WDFY3: variants seen among roughly 807,000 people sequenced by gnomAD.
The protein encoded by WDFY3 is WD repeat and FYVE domain-containing protein 3.
WDFY3 carries 66 observed loss-of-function variants against 409.6 expected under a neutral mutation model. The ratio of observed to expected loss-of-function variants is 0.16; its 90% CI spans 0.13 to 0.20. The LOEUF (loss-of-function observed/expected upper bound fraction) is 0.20. Ranked by LOEUF, WDFY3 falls within the 10% of genes least tolerant of loss-of-function variation. The pLI is 1.00. For missense variants in WDFY3, 3,031 were observed against 4,298.1 expected, an observed-to-expected ratio of 0.71 and a Z score of 8.24; for synonymous variants, 1,521 against 1,537.1, an observed-to-expected ratio of 0.99 and a Z score of 0.25.
chr4:84,736,289 C>T lies in WDFY3; in HGVS notation c.6796G>A (p.Ala2266Thr). 2.5e-6 allele frequency: 4 copies of T among 1,608,194 alleles called. No individual in the cohort carries two copies. Among genetic ancestry groups the T allele is most frequent in the Non-Finnish European group, 2.5e-6 (3 of 1,177,310 alleles). ...KKCISRGEAL[A>T]PTTQSKLSRV... Reference sequence around the variant, plus strand: ...GATAATTTGGACTGTGTGGTGGGCGCTAAAGCTTCTCCTCGACTTATGCAT... The same window carrying T: ...GATAATTTGGACTGTGTGGTGGGCGTTAAAGCTTCTCCTCGACTTATGCAT... Residue 2266 changes from alanine (A) to threonine (T), a missense_variant, in exon 42 of 68, where the codon GCG becomes ACG. Coordinates refer to ENST00000295888, the MANE Select transcript of WDFY3 (RefSeq NM_014991.6).
intron 2 of WDFY3, among the ~76,000 whole-genome samples, chr4:84,904,391 G>A (rs1345923357): frequency 7.1e-6 from 1 of 141,132 alleles, no homozygotes. Flanking sequence ...CTAAAAAAAA[G>A]AAGAAGAAGA....
intron 35 of WDFY3, 142 bp downstream of exon 35, chr4:84,753,555 A>C: frequency 1.1e-6 from 1 of 910,194 alleles, no homozygotes; most frequent in South Asian, 3.1e-5. Context: ...ATAATGCAAG[A>C]GGTGATGTAT....
chr4:84,900,713 A>G (rs982149929), intron 2 of WDFY3, among the ~76,000 whole-genome samples: 4 of 152,230 alleles, frequency 2.6e-5, no homozygotes, highest in African/African-American at 9.6e-5. Context: ...GAACAGAACA[A>G]GGAAGTTTTT....
chr4:84,686,606 A>G (rs1728365282), intron 62 of WDFY3, among the ~76,000 whole-genome samples: 1 of 152,082 alleles, frequency 6.6e-6, no homozygotes, highest in South Asian at 2.1e-4. Context: ...ATGTCACTCA[A>G]TGACATGGCT....
chr4:84,948,504 C>T (rs1773187786), intron 1 of WDFY3, among the ~76,000 whole-genome samples: 2 of 152,174 alleles, frequency 1.3e-5, no homozygotes, highest in South Asian at 2.1e-4. Flanking sequence ...TGCCTGGCTT[C>T]GCCTGTCACT....
chr4:84,759,772 T>A (rs1173582835), intron 32 of WDFY3, among the ~76,000 whole-genome samples: 2 of 151,834 alleles, frequency 1.3e-5, no homozygotes, highest in Admixed American at 6.6e-5. Flanking sequence ...TGACTTCCTC[T>A]TTTCCTAATT....
At chr4:84,907,608 A>G (rs950363558) in intron 2 of WDFY3, among the ~76,000 whole-genome samples, 4 of 152,170 alleles carry the variant, frequency 2.6e-5, no homozygotes, top group Non-Finnish European at 4.4e-5. Flanking sequence ...ACCTAGTTAA[A>G]CCACTCCTAA....
intron 16 of WDFY3, 28 bp downstream of exon 16, chr4:84,803,262 G>A (rs747649853): frequency 1.0e-4 from 161 of 1,564,430 alleles, no homozygotes; most frequent in Non-Finnish European, 1.3e-4. Context: ...CATTACAGAC[G>A]GGAAGGAACT....
chr4:84,812,135 T>A (rs1441294051), intron 13 of WDFY3, among the ~76,000 whole-genome samples: 3 of 152,180 alleles, frequency 2.0e-5, no homozygotes, highest in African/African-American at 7.2e-5. Flanking sequence ...TCACACCTAT[T>A]CCTTAATATT....
chr4:84,891,351 A>T (rs961383516), intron 3 of WDFY3, among the ~76,000 whole-genome samples: 2 of 152,186 alleles, frequency 1.3e-5, no homozygotes, highest in African/African-American at 4.8e-5. Context: ...CATATATATA[A>T]GCACTTTTTA....
At chr4:84,705,824 C>G (rs187854976) in intron 53 of WDFY3, among the ~76,000 whole-genome samples, 18 of 152,266 alleles carry the variant, frequency 1.2e-4, no homozygotes, top group Admixed American at 5.9e-4. Context: ...ACTTCCAAGT[C>G]TTGACAAGGA....
intron 2 of WDFY3, among the ~76,000 whole-genome samples, chr4:84,930,290 A>G (rs1292936345): frequency 6.6e-6 from 1 of 152,236 alleles, no homozygotes; most frequent in African/African-American, 2.4e-5. Flanking sequence ...ATATTAGTCC[A>G]TACCGGAAAA....
chr4:84,676,439 T>G (rs940950086), intron 67 of WDFY3, among the ~76,000 whole-genome samples: 4 of 152,218 alleles, frequency 2.6e-5, no homozygotes, highest in African/African-American at 9.6e-5. Flanking sequence ...CTAGCACTAC[T>G]GTTTTGAAGA....
chr4:84,810,474 G>A (rs1752318372), intron 13 of WDFY3, 130 bp from the exon 14 acceptor site: 4 of 793,778 alleles, frequency 5.0e-6, no homozygotes, highest in East Asian at 2.9e-5. Context: ...CCCAATAAAC[G>A]GTCCTATAAA....
At chr4:84,809,699 T>G in intron 14 of WDFY3, 188 bp downstream of exon 14, 2 of 537,928 alleles carry the variant, frequency 3.7e-6, no homozygotes, top group Non-Finnish European at 6.3e-6. Flanking sequence ...CAGGCTTCCA[T>G]GCTAAAAAAA....
chr4:84,939,022 A>G (rs1471297928), intron 1 of WDFY3, among the ~76,000 whole-genome samples: 1 of 152,170 alleles, frequency 6.6e-6, no homozygotes, highest in Non-Finnish European at 1.5e-5. Context: ...TTGATCCAAT[A>G]ACATCCTGCA....
rs753263895 is a variant in WDFY3, at chr4:84,688,232, C to T, written c.9397G>A (p.Ala3133Thr). The change falls in exon 62 of 68, where the codon GCC becomes ACC. Residue 3133 changes from alanine (A) to threonine (T), a missense_variant. Transcript: ENST00000295888. ...ATGTGATAGGCTAATGATGCTGTGG[C>T]GCAGGTGACGGTATCAGTGTGGCCC... ...LLGHTDTVTC[A>T]TASLAYHIIV... 4.5e-5 allele frequency: 73 copies of T among 1,613,912 alleles called. 1 individual carries two copies. In the South Asian group the frequency reaches 4.7e-4, roughly 10 times the overall value.
chr4:84,747,960 G>C (rs1004458932), intron 36 of WDFY3, among the ~76,000 whole-genome samples: 1 of 151,662 alleles, frequency 6.6e-6, no homozygotes, highest in South Asian at 2.1e-4. Context: ...ACCCAGTCTC[G>C]GGTATGTCTT....
intron 1 of WDFY3, among the ~76,000 whole-genome samples, chr4:84,945,394 C>A (rs973420299): frequency 6.6e-6 from 1 of 152,152 alleles, no homozygotes; most frequent in Admixed American, 6.5e-5. Flanking sequence ...TAAGAAACAC[C>A]AATTCTGAAT....
Sources: allele counts gnomAD v4.1 joint callset (sites outside exome capture counted in the v4.1 genomes callset), GRCh38; gene constraint gnomAD v4.1.1; transcripts MANE v1.5; gene names NCBI Gene and HGNC (gene_info 2026-07-23, HGNC 2026-07-21).